Variants in DST observed in about 807,000 individuals in gnomAD.
DST encodes the protein bullous pemphigoid antigen.
Under a neutral mutation model 875.2 loss-of-function variants are expected in DST, and 253 were observed. The ratio of observed to expected loss-of-function variants is 0.29; its 90% CI spans 0.26 to 0.32. The LOEUF (loss-of-function observed/expected upper bound fraction) is 0.32, where lower values mean the gene tolerates loss of function less well. DST is among the 10% of genes least tolerant of loss of function. DST has a pLI of 1.00. For synonymous variants in DST, 3,124 were observed against 3,197.1 expected, an observed-to-expected ratio of 0.98 and a Z score of 0.77; for missense variants, 8,287 against 9,111.6, an observed-to-expected ratio of 0.91 and a Z score of 3.68.
At chr6:56,872,129 G>A (rs761819259) in intron 3 of DST, among the ~76,000 whole-genome samples, 1 of 152,128 alleles carries the variant, frequency 6.6e-6, no homozygotes, top group Non-Finnish European at 1.5e-5. Flanking sequence ...ACAAGAAAAT[G>A]CACAGTGGCA....
At position 56,482,524 on chromosome 6, in the gene DST, G is replaced by A. The variant is rs565656896; in HGVS notation, c.21402+159C>T. On this transcript the variant is annotated intron_variant, in intron 89 of 103. Transcript: ENST00000680361. ...AGCAGTAATTTAAATTCATGAGGGA[G>A]GGTGGGAGAAGGATCAAGGCAATGT... The A allele has an allele frequency of 5.0e-5, 33 of 661,480 alleles. No individual in the cohort carries two copies. In the African/African-American group the frequency reaches 5.9e-4, roughly 12 times the overall value. 41.0% of individuals were successfully genotyped at this position (661,480 alleles called of 1,614,324 possible). A position where few individuals can be genotyped will look rare whatever the true frequency, so the allele number is the denominator to read the frequency against.
At chr6:56,887,643 T>G (rs937587858) in intron 3 of DST, among the ~76,000 whole-genome samples, 3 of 152,012 alleles carry the variant, frequency 2.0e-5, no homozygotes, top group Admixed American at 6.6e-5. Flanking sequence ...GAATTTAAGG[T>G]TTTTTTTATT....
chr6:56,506,708 C>T lies in DST; in HGVS notation c.19321G>A (p.Gly6441Arg). Reference sequence around the variant, plus strand: ...TTGACAATGGGTTTATCAGGCTCCCCACATGCCGCAATGAGTTCAGAACCT... The same window carrying T: ...TTGACAATGGGTTTATCAGGCTCCCTACATGCCGCAATGAGTTCAGAACCT... ...NLGSELIAAC[G>R]EPDKPIVKKS... The change falls in exon 76 of 104, where the codon GGG becomes AGG. Residue 6441 changes from glycine (G) to arginine (R), a missense_variant. Physicochemically the swap from Gly to Arg is moderately radical, Grantham distance 125 (BLOSUM62 -2). Coordinates refer to ENST00000680361, the MANE Select transcript of DST (RefSeq NM_001374736.1). The T allele has an allele frequency of 6.2e-7, 1 of 1,613,662 alleles. No individual in the cohort carries two copies. Among genetic ancestry groups the T allele is most frequent in the Non-Finnish European group, 8.5e-7 (1 of 1,179,682 alleles).
intron 4 of DST, among the ~76,000 whole-genome samples, chr6:56,849,804 C>T (rs1170646919): frequency 2.6e-5 from 4 of 152,226 alleles, no homozygotes; most frequent in Admixed American, 2.6e-4. Flanking sequence ...ATCTCTGCCA[C>T]TACTATCAAA....
chr6:56,468,976 T>G lies in DST; in HGVS notation c.22569+6A>C. The G allele has an allele frequency of 6.3e-7, 1 of 1,577,386 alleles. No individual in the cohort carries two copies. The highest frequency in any genetic ancestry group is 1.2e-5 in the South Asian group (1 of 85,488). On this transcript the variant is annotated splice_donor_region_variant and intron_variant, in intron 98 of 103. Transcript: ENST00000680361. ...GAACTTGAGAATACATTCCACTGGT[T>G]TATACCTGATTTCCCAGGAAGAACT...
Position 56,851,618 on chromosome 6 carries a change from C to A in DST, c.418-14G>T, listed in dbSNP as rs1349908409. 6.2e-7 allele frequency: 1 copy of A among 1,611,814 alleles called. No homozygotes were observed. The highest frequency in any genetic ancestry group is 1.3e-5 in the African/African-American group (1 of 74,824). The stretch of plus-strand genomic sequence containing the variant: ...GTTCCCGGAACTCTACAGAGAATGA[C>A]ACAGAAAAAGCATTAACAGCAAAAT... On this transcript the variant is annotated splice_polypyrimidine_tract_variant and intron_variant, in intron 3 of 103. Coordinates refer to ENST00000680361, the MANE Select transcript of DST (RefSeq NM_001374736.1).
intron 62 of DST, 148 bp from the exon 63 acceptor site, chr6:56,535,440 G>T: frequency 1.1e-6 from 1 of 949,856 alleles, no homozygotes; most frequent in Non-Finnish European, 1.5e-6. Context: ...AGTATCGATA[G>T]TAGGCAGGAT....
At chr6:56,825,211 G>C (rs1287059631) in intron 4 of DST, among the ~76,000 whole-genome samples, 1 of 149,092 alleles carries the variant, frequency 6.7e-6, no homozygotes, top group Non-Finnish European at 1.5e-5. Context: ...CCAACCCTGT[G>C]CTCTCTGAAA....
chr6:56,739,647 C>CTG (rs1337437882), intron 4 of DST, among the ~76,000 whole-genome samples: 1 of 152,152 alleles, frequency 6.6e-6, no homozygotes, highest in Non-Finnish European at 1.5e-5. Flanking sequence ...TCATAAAGAC[C>CTG]TTGCTAATAA....
In DST at chr6:56,580,920, A is replaced by G. The variant is rs184907056; in HGVS notation, c.12904-1983T>C. Among the ~76,000 whole-genome samples, 20 of 151,118 alleles carry G rather than the reference A, an allele frequency of 1.3e-4. No individual in the cohort carries two copies. In the East Asian group the frequency reaches 3.7e-3, roughly 28 times the overall value. On this transcript the variant is annotated intron_variant, in intron 49 of 103. Transcript: ENST00000680361. ...GCTAATTTTTTTGTATTTTTTGTAG[A>G]GCCAGGGTTTTGCCACATTGCACAG...
At chr6:56,870,776 G>A (rs1776719439) in intron 3 of DST, among the ~76,000 whole-genome samples, 1 of 151,874 alleles carries the variant, frequency 6.6e-6, no homozygotes, top group African/African-American at 2.4e-5. Flanking sequence ...ATGAAACAAG[G>A]CCCCACTGGT....
At chr6:56,724,500 A>G (rs1321845123) in intron 5 of DST, among the ~76,000 whole-genome samples, 1 of 152,246 alleles carries the variant, frequency 6.6e-6, no homozygotes, top group Non-Finnish European at 1.5e-5. Context: ...AAGTGCTAGA[A>G]TCTGCTCAGG....
chr6:56,472,274 T>G, intron 93 of DST, 52 bp from the exon 94 acceptor site: 1 of 1,553,036 alleles, frequency 6.4e-7, no homozygotes, highest in African/African-American at 1.4e-5. Context: ...TGCTGAAATG[T>G]GTTAAGGCTT....
intron 53 of DST, among the ~76,000 whole-genome samples, chr6:56,571,176 T>A (rs1238775788): frequency 6.6e-6 from 1 of 152,234 alleles, no homozygotes; most frequent in African/African-American, 2.4e-5. Flanking sequence ...GACAGTTACA[T>A]CTGGCATGTG....
At chr6:56,466,046 T>C (rs779049758) in intron 99 of DST, 32 bp downstream of exon 99, 1 of 1,519,650 alleles carries the variant, frequency 6.6e-7, no homozygotes, top group Admixed American at 1.8e-5. Flanking sequence ...TGAAATACTT[T>C]CATGATGTTA....
chr6:56,794,172 G>C (rs2099735904), intron 4 of DST, among the ~76,000 whole-genome samples: 1 of 152,206 alleles, frequency 6.6e-6, no homozygotes, highest in African/African-American at 2.4e-5. Flanking sequence ...CTACGCTTCT[G>C]CAGACATTAT....
At chr6:56,784,508 T>C (rs1006519518) in intron 4 of DST, among the ~76,000 whole-genome samples, 1 of 152,232 alleles carries the variant, frequency 6.6e-6, no homozygotes, top group African/African-American at 2.4e-5. Flanking sequence ...TTCTTCCAGT[T>C]GATCGCATCA....
In DST at chr6:56,609,293, A is replaced by C. The variant is rs765633089; in HGVS notation, c.5335T>G (p.Ser1779Ala). The C allele has an allele frequency of 6.2e-7, 1 of 1,613,364 alleles. No homozygotes were observed. Among genetic ancestry groups the C allele is most frequent in the East Asian group, 2.2e-5 (1 of 44,878 alleles). ...TIDQTTGEVL[S>A]VFQAVLRGLI... Reference sequence around the variant, plus strand: ...CCTCTTAAAACTGCTTGAAAGACTGAAAGGACTTCTCCAGTTGTCTGATCA... The same window carrying C: ...CCTCTTAAAACTGCTTGAAAGACTGCAAGGACTTCTCCAGTTGTCTGATCA... The change falls in exon 40 of 104, where the codon TCA (serine) becomes GCA (alanine). Residue 1779 changes from serine (S) to alanine (A), a missense_variant. Coordinates refer to ENST00000680361, the MANE Select transcript of DST (RefSeq NM_001374736.1).
In DST at chr6:56,458,996, C is replaced by T; in HGVS notation, c.*9G>A. The T allele has an allele frequency of 6.3e-7, 1 of 1,584,750 alleles. No individual in the cohort carries two copies. The highest frequency in any genetic ancestry group is 8.6e-7 in the Non-Finnish European group (1 of 1,162,046). The stretch of plus-strand genomic sequence containing the variant: ...TGCTCAAGGAAGGGCCTTGGTAGAA[C>T]CAATTGCACTATCTCTTTGAGGACT... On this transcript the variant is annotated 3_prime_UTR_variant, in exon 104 of 104. Coordinates refer to ENST00000680361, the MANE Select transcript of DST (RefSeq NM_001374736.1).
Sources: gnomAD v4.1 joint callset for allele counts (sites outside exome capture counted in the v4.1 genomes callset) on GRCh38, gnomAD v4.1.1 for gene constraint, MANE v1.5 for transcripts, NCBI Gene and HGNC (gene_info 2026-07-23, HGNC 2026-07-21) for gene names.